CCSER1: variants seen among roughly 807,000 people sequenced by gnomAD.
The protein encoded by CCSER1 is serine-rich coiled-coil domain-containing protein 1.
A neutral mutation model predicts 82.0 loss-of-function variants in CCSER1; 41 were observed. The observed-to-expected ratio is 0.50, with a 90% CI of 0.39 to 0.65. The LOEUF (loss-of-function observed/expected upper bound fraction) is 0.65, where lower values mean the gene tolerates loss of function less well. Among genes scored for constraint, CCSER1 ranks in the 30% least tolerant of loss-of-function variants. The probability of loss-of-function intolerance (pLI) is 0.00; values close to 1 mark genes in which losing one functional copy is unlikely to be tolerated. For missense variants in CCSER1, 1,119 were observed against 1,064.2 expected (o/e 1.05, Z -0.72); for synonymous variants, 414 against 383.9 (o/e 1.08, Z -0.92).
At chr4:90,645,091 A>G (rs530866522) in intron 6 of CCSER1, among the ~76,000 whole-genome samples, 3 of 151,962 alleles carry the variant, frequency 2.0e-5, no homozygotes, top group Non-Finnish European at 4.4e-5. Context: ...TAAAAAAAAA[A>G]AAAAAGAAAA....
At chr4:90,648,313 G>GAAAGAAAGAAAGAAAGAAAGAA (rs1560879634) in intron 6 of CCSER1, among the ~76,000 whole-genome samples, 7 of 150,510 alleles carry the variant, frequency 4.7e-5, no homozygotes, top group Non-Finnish European at 8.9e-5. Context: ...AAGAAAGAAA[G>GAAAGAAAGAAAGAAAGAAAGAA]AAAGAAAGAA....
chr4:90,216,099 A>G (rs1340129191), intron 1 of CCSER1, among the ~76,000 whole-genome samples: 1 of 152,218 alleles, frequency 6.6e-6, no homozygotes, highest in Admixed American at 6.5e-5. Flanking sequence ...TTTTTATATA[A>G]CACAGACCCT....
intron 10 of CCSER1, among the ~76,000 whole-genome samples, chr4:91,342,726 T>C (rs1248262024): frequency 6.6e-6 from 1 of 152,174 alleles, no homozygotes; most frequent in Non-Finnish European, 1.5e-5. Flanking sequence ...AGTGATTCCA[T>C]ATGTCCTTCT....
chr4:91,094,163 T>C (rs916108409), intron 10 of CCSER1, among the ~76,000 whole-genome samples: 1 of 152,188 alleles, frequency 6.6e-6, no homozygotes, highest in Non-Finnish European at 1.5e-5. Context: ...GTCCACGTAC[T>C]GGAGCAAGAC....
intron 10 of CCSER1, among the ~76,000 whole-genome samples, chr4:91,091,600 T>C (rs1723964486): frequency 6.6e-6 from 1 of 152,302 alleles, no homozygotes; most frequent in South Asian, 2.1e-4. Context: ...ACCAGTCAGC[T>C]TCCGGGTGTG....
chr4:90,142,065 G>A (rs566665248), intron 1 of CCSER1, among the ~76,000 whole-genome samples: 40 of 152,232 alleles, frequency 2.6e-4, no homozygotes, highest in African/African-American at 9.1e-4. Context: ...GCTCTAAATA[G>A]GTATTTTTAA....
intron 8 of CCSER1, among the ~76,000 whole-genome samples, chr4:90,863,953 T>G (rs1233754769): frequency 2.4e-5 from 1 of 42,262 alleles, no homozygotes; most frequent in Non-Finnish European, 5.1e-5. Context: ...ATCACGTTTT[T>G]ATTTTATTTT....
intron 9 of CCSER1, chr4:90,951,145 C>G (rs933681963): frequency 6.6e-6 from 1 of 152,052 alleles, no homozygotes; most frequent in African/African-American, 2.4e-5. Context: ...TGTGGCTCAC[C>G]ACTTCATGTC....
At chr4:90,682,690 G>C (rs999477704) in intron 6 of CCSER1, among the ~76,000 whole-genome samples, 5 of 151,978 alleles carry the variant, frequency 3.3e-5, no homozygotes, top group Admixed American at 6.6e-5. Flanking sequence ...AGTGCTTCTT[G>C]TTGTGCACTA....
At chr4:90,333,287 G>A (rs1281739466) in intron 3 of CCSER1, among the ~76,000 whole-genome samples, 1 of 152,132 alleles carries the variant, frequency 6.6e-6, no homozygotes, top group Non-Finnish European at 1.5e-5. Context: ...TGCCTACACA[G>A]TTGTAACCGG....
chr4:90,992,087 T>C (rs1236273391), intron 9 of CCSER1, among the ~76,000 whole-genome samples: 1 of 152,124 alleles, frequency 6.6e-6, no homozygotes, highest in Non-Finnish European at 1.5e-5. Context: ...AGTTTTACTT[T>C]GGTAAATTGC....
chr4:90,309,662 T>G, intron 2 of CCSER1, 54 bp downstream of exon 2: 1 of 1,341,602 alleles, frequency 7.5e-7, no homozygotes, highest in Non-Finnish European at 9.9e-7. Flanking sequence ...TCATTATACT[T>G]TATTCAGTTT....
intron 8 of CCSER1, among the ~76,000 whole-genome samples, chr4:90,825,400 C>G (rs1760278549): frequency 6.6e-6 from 1 of 152,126 alleles, no homozygotes; most frequent in African/African-American, 2.4e-5. Context: ...TTACACTAAT[C>G]AAGATTCCAG....
At chr4:90,360,816 C>G (rs1745258178) in intron 3 of CCSER1, among the ~76,000 whole-genome samples, 1 of 152,026 alleles carries the variant, frequency 6.6e-6, no homozygotes, top group African/African-American at 2.4e-5. Context: ...GGTTAAAGAT[C>G]ACCATATTTT....
In CCSER1 at chr4:91,602,737, G is replaced by T. The variant is rs1166699648; in HGVS notation, c.*3680G>T. On this transcript the variant is annotated 3_prime_UTR_variant, in exon 11 of 11. Coordinates refer to ENST00000509176, the MANE Select transcript of CCSER1 (RefSeq NM_001145065.2). Reference sequence around the variant, plus strand: ...TATACACACAGATGAAACTAGAAAAGAAAGGGCAATACATGTGAAGATGAT... The same window carrying T: ...TATACACACAGATGAAACTAGAAAATAAAGGGCAATACATGTGAAGATGAT... Among the ~76,000 whole-genome samples, 1 of 151,900 alleles carries T rather than the reference G, an allele frequency of 6.6e-6. No homozygotes were observed. The highest frequency in any genetic ancestry group is 1.5e-5 in the Non-Finnish European group (1 of 67,868).
chr4:91,504,698 G>A (rs1246100463), intron 10 of CCSER1, among the ~76,000 whole-genome samples: 1 of 136,992 alleles, frequency 7.3e-6, no homozygotes, highest in Admixed American at 7.3e-5. Context: ...AGATTCTTAT[G>A]TTTCTTATTA....
chr4:90,272,948 A>G (rs2153455381), intron 1 of CCSER1, among the ~76,000 whole-genome samples: 1 of 152,326 alleles, frequency 6.6e-6, no homozygotes, highest in East Asian at 1.9e-4. Flanking sequence ...GTTTGCAGTG[A>G]GCTGAGATTG....
chr4:90,296,545 C>A lies in CCSER1; in HGVS notation c.-41-11699C>A, dbSNP rs967104898. Among the ~76,000 whole-genome samples, 2 of 151,898 alleles carry A rather than the reference C, an allele frequency of 1.3e-5. 1 individual carries two copies. The highest frequency in any genetic ancestry group is 1.3e-4 in the Admixed American group (2 of 15,212). On this transcript the variant is annotated intron_variant, in intron 1 of 10. Transcript: ENST00000509176. ...GCTTTTGTTGCCATTGCTTTTGGTG[C>A]TTTAGACATGAAGTCCTTGCCCATG...
chr4:91,460,905 T>C (rs1485162191), intron 10 of CCSER1, among the ~76,000 whole-genome samples: 2 of 152,170 alleles, frequency 1.3e-5, no homozygotes, highest in Non-Finnish European at 1.5e-5. Flanking sequence ...AAGGAAAATT[T>C]ATTCTTACTC....
Sources: gnomAD v4.1 joint callset for allele counts (sites outside exome capture counted in the v4.1 genomes callset) on GRCh38, gnomAD v4.1.1 for gene constraint, MANE v1.5 for transcripts, NCBI Gene and HGNC (gene_info 2026-07-23, HGNC 2026-07-21) for gene names.